Variants in ERBB4 observed in about 807,000 individuals in gnomAD.
ERBB4 encodes the protein receptor tyrosine-protein kinase erbB-4.
A neutral mutation model predicts 158.0 loss-of-function variants in ERBB4; 42 were observed. The observed-to-expected ratio is 0.27, with a 90% CI of 0.21 to 0.34. The LOEUF is 0.34. Among genes scored for constraint, ERBB4 ranks in the 10% least tolerant of loss-of-function variants. The pLI is 1.00. For missense variants in ERBB4, 1,333 were observed against 1,624.1 expected (o/e 0.82, Z 3.08); for synonymous variants, 583 against 558.7 (o/e 1.04, Z -0.61).
Position 212,181,575 on chromosome 2 carries a change from C to T in ERBB4, c.83-56672G>A, listed in dbSNP as rs935688129. 4.6e-5 allele frequency among the ~76,000 whole-genome samples: 7 copies of T among 151,684 alleles called. No individual in the cohort carries two copies. The East Asian group carries it at 1.4e-3, about 29-fold the overall frequency. ...ACAGATTTTCAGCTTATATTACAGT[C>T]CTGCACTCATTCAGCAGAAATCTTC... is the stretch of plus-strand genomic sequence containing the variant. On this transcript the variant is annotated intron_variant, in intron 1 of 27. Transcript: ENST00000342788.
At chr2:212,475,985 T>C (rs1208974188) in intron 1 of ERBB4, among the ~76,000 whole-genome samples, 1 of 152,074 alleles carries the variant, frequency 6.6e-6, no homozygotes, top group Non-Finnish European at 1.5e-5. Context: ...TCTTTTGAAA[T>C]ACAAATCAGA....
chr2:212,497,259 T>C (rs1051625005), intron 1 of ERBB4, among the ~76,000 whole-genome samples: 1 of 152,064 alleles, frequency 6.6e-6, no homozygotes, highest in Non-Finnish European at 1.5e-5. Context: ...ACTATTTGAA[T>C]ACTAATTTTT....
At chr2:212,244,089 G>A (rs531516026) in intron 1 of ERBB4, among the ~76,000 whole-genome samples, 9 of 151,872 alleles carry the variant, frequency 5.9e-5, no homozygotes, top group South Asian at 2.1e-4. Flanking sequence ...AAAACCTTAC[G>A]GTTTCAACAA....
At chr2:212,502,083 T>C (rs1690924321) in intron 1 of ERBB4, among the ~76,000 whole-genome samples, 3 of 152,238 alleles carry the variant, frequency 2.0e-5, no homozygotes, top group Admixed American at 2.0e-4. Flanking sequence ...GCTTTCCCTA[T>C]AAGTAAATTC....
At chr2:211,723,087 A>G (rs2074155957) in intron 6 of ERBB4, among the ~76,000 whole-genome samples, 1 of 152,222 alleles carries the variant, frequency 6.6e-6, no homozygotes, top group African/African-American at 2.4e-5. Context: ...AGAGGTAATT[A>G]GCTACAGTTG....
At chr2:211,772,816 TATATATATATATATATATAC>T (rs2075727672) in intron 4 of ERBB4, among the ~76,000 whole-genome samples, 1 of 25,618 alleles carries the variant, frequency 3.9e-5, no homozygotes, top group East Asian at 6.1e-4. Context: ...GGGATATATA[TATATATATATATATATATAC>T]ACATATATAT....
At chr2:212,191,068 A>G (rs1329219238) in intron 1 of ERBB4, among the ~76,000 whole-genome samples, 3 of 152,034 alleles carry the variant, frequency 2.0e-5, no homozygotes. Context: ...AAACCACTGT[A>G]TAACTACCAA....
At position 212,295,647 on chromosome 2, in the gene ERBB4, G is replaced by C. The variant is rs778089679; in HGVS notation, c.83-170744C>G. Among the ~76,000 whole-genome samples the C allele has an allele frequency of 2.0e-4, 30 of 152,014 alleles. 1 individual carries two copies. The highest frequency in any genetic ancestry group is 5.9e-5 in the Non-Finnish European group (4 of 67,980). ...TGTTCCGTTGCTTACTAGTTCTATGGTATTGTACCAGTTACTTAATATTTG... is the reference window on the plus strand; with the variant it reads ...TGTTCCGTTGCTTACTAGTTCTATGCTATTGTACCAGTTACTTAATATTTG... On this transcript the variant is annotated intron_variant, in intron 1 of 27. Coordinates refer to ENST00000342788, the MANE Select transcript of ERBB4 (RefSeq NM_005235.3).
At chr2:211,549,678 C>A (rs149763237) in intron 20 of ERBB4, among the ~76,000 whole-genome samples, 1 of 152,104 alleles carries the variant, frequency 6.6e-6, no homozygotes. Flanking sequence ...ACCCAGCAGA[C>A]CACCAGCAGA....
intron 3 of ERBB4, among the ~76,000 whole-genome samples, chr2:211,834,493 A>G (rs1453811198): frequency 6.6e-6 from 1 of 152,124 alleles, no homozygotes; most frequent in African/African-American, 2.4e-5. Flanking sequence ...TAAAAAAAAA[A>G]AAGAAGGGGG....
At chr2:211,646,210 T>C (rs954365897) in intron 16 of ERBB4, among the ~76,000 whole-genome samples, 2 of 151,638 alleles carry the variant, frequency 1.3e-5, no homozygotes, top group South Asian at 4.1e-4. Flanking sequence ...GAAGGACTAA[T>C]ACATAGACAT....
At chr2:211,537,449 G>A (rs909656275) in intron 20 of ERBB4, among the ~76,000 whole-genome samples, 2 of 151,938 alleles carry the variant, frequency 1.3e-5, no homozygotes, top group Non-Finnish European at 1.5e-5. Flanking sequence ...AGGAATATAA[G>A]AGAATTTGGA....
chr2:212,131,966 G>A (rs528790383), intron 1 of ERBB4, among the ~76,000 whole-genome samples: 57 of 152,248 alleles, frequency 3.7e-4, no homozygotes, highest in African/African-American at 1.3e-3. Context: ...TACTGTAATT[G>A]CCATAAGTAT....
chr2:212,497,048 T>G (rs1039642763), intron 1 of ERBB4, among the ~76,000 whole-genome samples: 8 of 151,632 alleles, frequency 5.3e-5, no homozygotes, highest in African/African-American at 1.9e-4. Context: ...GGTGGTGGCA[T>G]GCGCCTGTAA....
chr2:211,535,320 T>G (rs1414796088), intron 20 of ERBB4, among the ~76,000 whole-genome samples: 1 of 152,058 alleles, frequency 6.6e-6, no homozygotes, highest in Non-Finnish European at 1.5e-5. Context: ...CCTACCTGTC[T>G]CTTATTCTCA....
At chr2:212,203,260 C>G (rs537271997) in intron 1 of ERBB4, among the ~76,000 whole-genome samples, 6 of 152,034 alleles carry the variant, frequency 3.9e-5, no homozygotes, top group African/African-American at 1.4e-4. Context: ...GAGTAAAAAC[C>G]TAAAACCAGG....
At chr2:211,890,756 C>A (rs1413764251) in intron 3 of ERBB4, among the ~76,000 whole-genome samples, 1 of 129,646 alleles carries the variant, frequency 7.7e-6, no homozygotes, top group Non-Finnish European at 1.6e-5. Context: ...GGTTGCAATC[C>A]TAGTCTCTGA....
In ERBB4 at chr2:212,445,652, G is replaced by T. The variant is rs1013899535; in HGVS notation, c.82+92797C>A. Among the ~76,000 whole-genome samples, 6 of 152,166 alleles carry T rather than the reference G, an allele frequency of 3.9e-5. No homozygotes were observed. The South Asian group carries it at 1.2e-3, about 32-fold the overall frequency. On this transcript the variant is annotated intron_variant, in intron 1 of 27. Coordinates refer to ENST00000342788, the MANE Select transcript of ERBB4 (RefSeq NM_005235.3). ...AGGAGATCCATTAGGGCATAGCTTA[G>T]TATTACCATGCCCTATGATTGGGGT...
At chr2:211,548,415 C>A (rs1236896434) in intron 20 of ERBB4, among the ~76,000 whole-genome samples, 2 of 151,042 alleles carry the variant, frequency 1.3e-5, no homozygotes, top group African/African-American at 4.9e-5. Context: ...CTAGCCAATT[C>A]AAATAAAATT....
Sources: gnomAD v4.1 joint callset for allele counts (sites outside exome capture counted in the v4.1 genomes callset) on GRCh38, gnomAD v4.1.1 for gene constraint, MANE v1.5 for transcripts, NCBI Gene and HGNC (gene_info 2026-07-23, HGNC 2026-07-21) for gene names.